SP4: variants seen among roughly 807,000 people sequenced by gnomAD.
SP4 encodes the protein transcription factor Sp4.
SP4 carries 19 observed loss-of-function variants against 72.8 expected under a neutral mutation model. The ratio of observed to expected loss-of-function variants is 0.26; its 90% CI spans 0.18 to 0.38. SP4 has a LOEUF of 0.38. SP4 is among the 10% of genes least tolerant of loss of function. The pLI, the probability that SP4 is intolerant of heterozygous loss-of-function variation, is 1.00. For missense variants in SP4, 1,008 were observed against 926.3 expected, an observed-to-expected ratio of 1.09 and a Z score of -1.14; for synonymous variants, 395 against 333.1, an observed-to-expected ratio of 1.19 and a Z score of -2.02.
chr7:21,455,313 A>G lies in SP4; in HGVS notation c.1679-21766A>G, dbSNP rs551247670. Among the ~76,000 whole-genome samples, 3 of 152,218 alleles carry G rather than the reference A, an allele frequency of 2.0e-5. No homozygotes were observed. In the South Asian group the frequency reaches 6.2e-4, roughly 32 times the overall value. On this transcript the variant is annotated intron_variant, in intron 3 of 5. Transcript: ENST00000222584. Reference sequence around the variant, plus strand: ...GGCTTTTGTAGTTTTTGTCCAGTTTATTTTTAGGCCAAACAGTATTACAAA... The same window carrying G: ...GGCTTTTGTAGTTTTTGTCCAGTTTGTTTTTAGGCCAAACAGTATTACAAA...
intron 3 of SP4, among the ~76,000 whole-genome samples, chr7:21,440,033 C>A (rs746131314): frequency 1.3e-5 from 2 of 152,110 alleles, no homozygotes; most frequent in Non-Finnish European, 2.9e-5. Flanking sequence ...GTAAGAAATA[C>A]CTGTGCTTGA....
chr7:21,485,193 T>C (rs1007834718), intron 5 of SP4, among the ~76,000 whole-genome samples: 3 of 151,964 alleles, frequency 2.0e-5, no homozygotes, highest in Admixed American at 6.6e-5. Flanking sequence ...TATGTTAAGT[T>C]GAAAGCCTTA....
At chr7:21,497,576 C>A (rs1781750853) in intron 5 of SP4, among the ~76,000 whole-genome samples, 1 of 152,108 alleles carries the variant, frequency 6.6e-6, no homozygotes, top group Admixed American at 6.5e-5. Context: ...GACATCATTT[C>A]TTGGTTTTGC....
intron 5 of SP4, among the ~76,000 whole-genome samples, chr7:21,494,973 A>T (rs887206335): frequency 6.6e-6 from 1 of 152,178 alleles, no homozygotes; most frequent in African/African-American, 2.4e-5. Flanking sequence ...CACAGGGTGC[A>T]AAAACAGTTC....
chr7:21,507,654 AT>A (rs957438263), intron 5 of SP4, among the ~76,000 whole-genome samples: 3 of 152,030 alleles, frequency 2.0e-5, no homozygotes, highest in African/African-American at 7.3e-5. Context: ...GGCACACCTA[AT>A]TTTTATCTGA....
intron 3 of SP4, chr7:21,471,229 G>A: frequency 2.3e-6 from 1 of 435,338 alleles, no homozygotes; most frequent in Non-Finnish European, 4.8e-6. Flanking sequence ...ACCTTATTGT[G>A]AATGTATGGA....
chr7:21,498,477 C>T (rs947527461), intron 5 of SP4, among the ~76,000 whole-genome samples: 5 of 152,014 alleles, frequency 3.3e-5, no homozygotes, highest in African/African-American at 4.8e-5. Flanking sequence ...TTCTAGGCCG[C>T]GTAGGTAAGA....
chr7:21,445,985 T>G (rs903269656), intron 3 of SP4, among the ~76,000 whole-genome samples: 3 of 96,324 alleles, frequency 3.1e-5, no homozygotes, highest in African/African-American at 1.6e-4. Flanking sequence ...GTATCTTATG[T>G]GTATGTGTGT....
At position 21,512,847 on chromosome 7, in the gene SP4, G is replaced by A; in HGVS notation, c.*1578G>A. ...CAGAGTGCTGGGATTACAGGCATGAGCCACCATGCCCGGCTAGGAAAGGGT... is the reference window on the plus strand; with the variant it reads ...CAGAGTGCTGGGATTACAGGCATGAACCACCATGCCCGGCTAGGAAAGGGT... On this transcript the variant is annotated 3_prime_UTR_variant, in exon 6 of 6. Transcript: ENST00000222584. The A allele has an allele frequency of 6.5e-6, 1 of 152,676 alleles. No individual in the cohort carries two copies. Among genetic ancestry groups the A allele is most frequent in the Non-Finnish European group, 1.5e-5 (1 of 68,020 alleles). The allele number at this position is 152,676 out of a possible 1,614,324, so 9.5% of individuals were successfully genotyped here. A position where few individuals can be genotyped will look rare whatever the true frequency, so the allele number is the denominator to read the frequency against.
chr7:21,510,083 A>T lies in SP4; in HGVS notation c.2108-939A>T, dbSNP rs531123883. Among the ~76,000 whole-genome samples, 17 of 152,330 alleles carry T rather than the reference A, an allele frequency of 1.1e-4. No homozygotes were observed. In the South Asian group the frequency reaches 2.7e-3, roughly 24 times the overall value. On this transcript the variant is annotated intron_variant, in intron 5 of 5. Transcript: ENST00000222584. ...ACAGTATGGGGAACCCACCCCCATT[A>T]TTCAGTTATCTCCCACTGGGTCCCT...
intron 5 of SP4, among the ~76,000 whole-genome samples, chr7:21,494,891 C>T (rs1785068971): frequency 6.6e-6 from 1 of 152,118 alleles, no homozygotes; most frequent in African/African-American, 2.4e-5. Context: ...CTACACTAAT[C>T]AACACTGTGT....
At chr7:21,454,609 C>T (rs1330796773) in intron 3 of SP4, among the ~76,000 whole-genome samples, 1 of 152,142 alleles carries the variant, frequency 6.6e-6, no homozygotes, top group Non-Finnish European at 1.5e-5. Context: ...CTGTGTGAGT[C>T]CTATGAAGGG....
At chr7:21,510,574 T>G (rs1246563580) in intron 5 of SP4, among the ~76,000 whole-genome samples, 4 of 152,214 alleles carry the variant, frequency 2.6e-5, no homozygotes, top group African/African-American at 9.6e-5. Flanking sequence ...AATTATTAAC[T>G]TAGTTTATTT....
intron 1 of SP4, among the ~76,000 whole-genome samples, 193 bp downstream of exon 1, chr7:21,428,451 T>C (rs962163254): frequency 6.6e-6 from 1 of 151,900 alleles, no homozygotes; most frequent in Non-Finnish European, 1.5e-5. Flanking sequence ...ACAACCTCCT[T>C]CTGGGTGTTG....
At chr7:21,469,340 G>A (rs1162818637) in intron 3 of SP4, among the ~76,000 whole-genome samples, 1 of 150,952 alleles carries the variant, frequency 6.6e-6, no homozygotes, top group Non-Finnish European at 1.5e-5. Context: ...GATAATAGTG[G>A]TAATCTATGG....
At chr7:21,475,046 C>T (rs1472066055) in intron 3 of SP4, among the ~76,000 whole-genome samples, 1 of 151,942 alleles carries the variant, frequency 6.6e-6, no homozygotes, top group Non-Finnish European at 1.5e-5. Context: ...TTCTTGGTTG[C>T]CCCATACATT....
rs371018238 is a variant in SP4 at position 21,502,002 on chromosome 7, G to A, written c.2108-9020G>A. The stretch of plus-strand genomic sequence containing the variant: ...CACCAGAAGAGTGCTGACTTAAACC[G>A]AGCTGCTATTTGGTTTCGGGCCTTA... On this transcript the variant is annotated intron_variant, in intron 5 of 5. Transcript: ENST00000222584. Among the ~76,000 whole-genome samples the A allele has an allele frequency of 1.8e-4, 27 of 147,720 alleles. 2 individuals are homozygous for A. Among genetic ancestry groups the A allele is most frequent in the Admixed American group, 1.5e-3 (21 of 14,284 alleles).
chr7:21,428,211 T>A lies in SP4; in HGVS notation c.-41T>A. ...TCGCCCCCACCCCCACCCACCTCTA[T>A]CCCAGTGTCTCCGTCTGAGGGTTTG... On this transcript the variant is annotated 5_prime_UTR_variant, in exon 1 of 6. Transcript: ENST00000222584. The A allele has an allele frequency of 4.5e-6, 3 of 660,554 alleles. No individual in the cohort carries two copies. The highest frequency in any genetic ancestry group is 7.2e-6 in the Non-Finnish European group (3 of 416,942). 40.9% of individuals were successfully genotyped at this position (660,554 alleles called of 1,614,324 possible). A position where few individuals can be genotyped will look rare whatever the true frequency, so the allele number is the denominator to read the frequency against.
At chr7:21,450,650 T>C (rs1320998894) in intron 3 of SP4, among the ~76,000 whole-genome samples, 1 of 152,308 alleles carries the variant, frequency 6.6e-6, no homozygotes, top group East Asian at 1.9e-4. Flanking sequence ...AATACATTCT[T>C]AATAATGCAA....
Sources: allele counts gnomAD v4.1 joint callset (sites outside exome capture counted in the v4.1 genomes callset), GRCh38; gene constraint gnomAD v4.1.1; transcripts MANE v1.5; gene names NCBI Gene and HGNC (gene_info 2026-07-23, HGNC 2026-07-21).